GAREM2: variants seen among roughly 807,000 people sequenced by gnomAD.
GAREM2 encodes the protein GRB2-associated and regulator of MAPK protein 2.
Under a neutral mutation model 55.6 loss-of-function variants are expected in GAREM2, and 30 were observed. The observed-to-expected ratio is 0.54, with a 90% CI of 0.40 to 0.73. The LOEUF (loss-of-function observed/expected upper bound fraction) is 0.73, where lower values mean the gene tolerates loss of function less well. Among genes scored for constraint, GAREM2 ranks in the 30% least tolerant of loss-of-function variants. The probability of loss-of-function intolerance (pLI) is 0.00; values close to 1 mark genes in which losing one functional copy is unlikely to be tolerated. For synonymous variants in GAREM2, 550 were observed against 569.1 expected (o/e 0.97, Z 0.48); for missense variants, 1,075 against 1,257.7 (o/e 0.85, Z 2.20).
the GAREM2 span, chr2:26,201,117 C>T: frequency 1.3e-6 from 2 of 1,533,416 alleles, no homozygotes; most frequent in Non-Finnish European, 1.8e-6. Context: ...GTTCACTACA[C>T]TAGGATTCAA....
At chr2:26,191,681 C>G, downstream of GAREM2, 1 of 1,585,570 alleles carries the variant, frequency 6.3e-7, no homozygotes, top group Non-Finnish European at 8.7e-7. Flanking sequence ...GGGAGGAAAG[C>G]CAGAGCCGCA....
Position 26,184,244 on chromosome 2 carries a change from C to T in GAREM2, c.396C>T (p.Gly132=). 1.3e-6 allele frequency: 2 copies of T among 1,550,042 alleles called. No individual in the cohort carries two copies. The highest frequency in any genetic ancestry group is 1.7e-6 in the Non-Finnish European group (2 of 1,146,118). ...AITFSVKVVS[G]EFSEDSEVYN... is the part of the protein sequence containing the mutation. ...TCTGGGATCCCCAGGTGGTGTCGGG[C>T]GAGTTCAGCGAGGACAGCGAGGTGT... The change falls in exon 4 of 6, where the codon GGC becomes GGT. Residue 132 remains glycine (G), a synonymous_variant. Transcript: ENST00000401533.
Position 26,185,569 on chromosome 2 carries a change from C to T in GAREM2, c.1428+293C>T, listed in dbSNP as rs2147738062. 1.3e-5 allele frequency among the ~76,000 whole-genome samples: 2 copies of T among 152,266 alleles called. 1 individual carries two copies. Among genetic ancestry groups the T allele is most frequent in the South Asian group, 4.1e-4 (2 of 4,826 alleles). On this transcript the variant is annotated intron_variant, in intron 4 of 5. Transcript: ENST00000401533. Reference sequence around the variant, plus strand: ...CAGAAGGTACCACAGAACAGGGGTCCTTTAAGTTGTTGCGTGAAAAGAAGG... The same window carrying T: ...CAGAAGGTACCACAGAACAGGGGTCTTTTAAGTTGTTGCGTGAAAAGAAGG...
At position 26,188,887 on chromosome 2, in the gene GAREM2, G is replaced by C. The variant is rs1669391894; in HGVS notation, c.*630G>C. On this transcript the variant is annotated 3_prime_UTR_variant, in exon 6 of 6. Transcript: ENST00000401533. ...TCAGAGGCTCCACCTGTGGGTCCTG[G>C]TTCATGGGTGACAACTTTGGAAGAG... is the stretch of plus-strand genomic sequence containing the variant. The C allele has an allele frequency of 6.6e-6, 1 of 152,286 alleles. No individual in the cohort carries two copies. Among genetic ancestry groups the C allele is most frequent in the South Asian group, 2.1e-4 (1 of 4,836 alleles). The allele number at this position is 152,286 out of a possible 1,614,324, so 9.4% of individuals were successfully genotyped here. A position where few individuals can be genotyped will look rare whatever the true frequency, so the allele number is the denominator to read the frequency against.
the GAREM2 span, among the ~76,000 whole-genome samples, chr2:26,194,859 AC>A: frequency 1.6e-4 from 24 of 152,120 alleles, no homozygotes; most frequent in African/African-American, 5.5e-4. Context: ...TTTCATGGTC[AC>A]CTTCAAGGTC....
chr2:26,184,665 C>T lies in GAREM2; in HGVS notation c.817C>T (p.Pro273Ser). 6.5e-7 allele frequency: 1 copy of T among 1,544,130 alleles called. No individual in the cohort carries two copies. Among genetic ancestry groups the T allele is most frequent in the Non-Finnish European group, 8.7e-7 (1 of 1,144,460 alleles). The change falls in exon 4 of 6, where the codon CCG (proline) becomes TCG (serine). Residue 273 changes from proline (P) to serine (S), a missense_variant. Physicochemically the swap from Pro to Ser is moderately conservative, Grantham distance 74. Transcript: ENST00000401533. Reference protein sequence around the residue: ...LPVNVLVPSRPPRNPYDLHPV... With the variant: ...LPVNVLVPSRSPRNPYDLHPV... ...GGTGAACGTGCTGGTGCCCAGCCGG[C>T]CGCCGCGCAACCCCTACGACCTGCA...
At chr2:26,191,011 G>C, downstream of GAREM2, 2 of 590,918 alleles carry the variant, frequency 3.4e-6, no homozygotes, top group East Asian at 2.9e-5. Context: ...TCTAGGCCTC[G>C]GGGCTTATAC....
At chr2:26,198,273 T>A in the GAREM2 span, among the ~76,000 whole-genome samples, 1 of 152,088 alleles carries the variant, frequency 6.6e-6, no homozygotes. Flanking sequence ...GCAGCTACAG[T>A]ACACAAATAC....
At chr2:26,182,764 A>T (rs1402009709) in intron 2 of GAREM2, among the ~76,000 whole-genome samples, 1 of 152,098 alleles carries the variant, frequency 6.6e-6, no homozygotes, top group Non-Finnish European at 1.5e-5. Context: ...GTTGCTAGGG[A>T]TCTGTGCTCA....
Position 26,176,377 on chromosome 2 carries a change from T to G in GAREM2, c.146T>G (p.Ile49Ser). The G allele has an allele frequency of 6.5e-7, 1 of 1,549,060 alleles. No homozygotes were observed. The highest frequency in any genetic ancestry group is 8.7e-7 in the Non-Finnish European group (1 of 1,145,562). The change falls in exon 2 of 6, where the codon ATC becomes AGC. Residue 49 changes from isoleucine to serine, a missense_variant. Ile to Ser is a moderately radical substitution (Grantham distance 142). Coordinates refer to ENST00000401533, the MANE Select transcript of GAREM2 (RefSeq NM_001168241.2). ...GCCGAGGGCGTCAGTGAGCGAGACA[T>G]CCTGCTCATCCACTCCTGCCGGCAG... ...EYAEGVSERD[I>S]LLIHSCRQWT...
chr2:26,197,378 A>C, the GAREM2 span, among the ~76,000 whole-genome samples: 71 of 152,324 alleles, frequency 4.7e-4, no homozygotes, highest in African/African-American at 1.6e-3. Context: ...TCTGTAGCCA[A>C]ACTGGTATTT....
At chr2:26,186,820 C>T (rs1669274393) in intron 5 of GAREM2, among the ~76,000 whole-genome samples, 1 of 152,102 alleles carries the variant, frequency 6.6e-6, no homozygotes, top group Admixed American at 6.5e-5. Context: ...TTCTAAAATA[C>T]AAAAATTAGC....
chr2:26,203,933 T>C, the GAREM2 span: 1 of 912,624 alleles, frequency 1.1e-6, no homozygotes, highest in South Asian at 1.3e-5. Context: ...GAACTCATTA[T>C]GTTCAGGAAA....
At chr2:26,202,602 A>T in the GAREM2 span, among the ~76,000 whole-genome samples, 1 of 152,190 alleles carries the variant, frequency 6.6e-6, no homozygotes, top group East Asian at 1.9e-4. Context: ...TCAGCTGTGC[A>T]TGGTGGCGCA....
chr2:26,191,581 T>C (rs1669504994), downstream of GAREM2: 1 of 1,614,076 alleles, frequency 6.2e-7, no homozygotes, highest in African/African-American at 1.3e-5. Flanking sequence ...GACTGCCTCA[T>C]TCACAAATCT....
At chr2:26,194,893 C>T in the GAREM2 span, among the ~76,000 whole-genome samples, 1 of 151,896 alleles carries the variant, frequency 6.6e-6, no homozygotes, top group Non-Finnish European at 1.5e-5. Flanking sequence ...GAGAACCCTG[C>T]CACATCCTAG....
At chr2:26,175,553 CTCCTT>C (rs1335278737) in intron 1 of GAREM2, among the ~76,000 whole-genome samples, 2 of 152,106 alleles carry the variant, frequency 1.3e-5, no homozygotes, top group African/African-American at 2.4e-5. Flanking sequence ...ACTCCCCCCT[CTCCTT>C]CGAGGTCCCC....
rs528463260 is a variant in GAREM2 at position 26,176,481 on chromosome 2, C to T, written c.250C>T (p.Pro84Ser). 1.3e-6 allele frequency: 2 copies of T among 1,542,562 alleles called. No homozygotes were observed. The highest frequency in any genetic ancestry group is 1.8e-6 in the Non-Finnish European group (2 of 1,141,834). Residue 84 changes from proline (P) to serine (S), a missense_variant, in exon 2 of 6, where the codon CCA (proline) becomes TCA (serine). Physicochemically the swap from Pro to Ser is moderately conservative, Grantham distance 74. Transcript: ENST00000401533. ...CAAGATCGACATCCCCCTGCAGTAC[C>T]CAGGTGTGTCCAGCCAGGACAGATG... ...GPKIDIPLQY[P>S]GKFKLLEQAR... is the part of the protein sequence containing the mutation.
At chr2:26,181,280 C>A in intron 2 of GAREM2, 1 of 295,096 alleles carries the variant, frequency 3.4e-6, no homozygotes, top group Non-Finnish European at 5.0e-6. Context: ...AAGTCCTTCC[C>A]TGCAGGCACG....
Sources: gnomAD v4.1 joint callset for allele counts (sites outside exome capture counted in the v4.1 genomes callset) on GRCh38, gnomAD v4.1.1 for gene constraint, MANE v1.5 for transcripts, NCBI Gene and HGNC (gene_info 2026-07-23, HGNC 2026-07-21) for gene names.